Variants in PTPRN2 observed in about 807,000 individuals in gnomAD.
The protein encoded by PTPRN2 is receptor-type tyrosine-protein phosphatase N2.
Under a neutral mutation model 118.8 loss-of-function variants are expected in PTPRN2, and 74 were observed. The ratio of observed to expected loss-of-function variants is 0.62; its 90% CI spans 0.52 to 0.76. The LOEUF (loss-of-function observed/expected upper bound fraction) is 0.76, where lower values mean the gene tolerates loss of function less well. Ranked by LOEUF, PTPRN2 falls within the 30% of genes least tolerant of loss-of-function variation. PTPRN2 has a pLI of 0.00. For missense variants in PTPRN2, 1,481 were observed against 1,394.4 expected (o/e 1.06, Z -0.99); for synonymous variants, 641 against 608.0 (o/e 1.05, Z -0.80).
intron 1 of PTPRN2, among the ~76,000 whole-genome samples, chr7:158,511,220 C>T (rs558012564): frequency 2.0e-5 from 3 of 152,206 alleles, no homozygotes; most frequent in South Asian, 2.1e-4. Flanking sequence ...CTCAAAATGT[C>T]GAGAGGCAGC....
At chr7:158,102,067 T>C (rs1380942073) in intron 10 of PTPRN2, among the ~76,000 whole-genome samples, 3 of 152,104 alleles carry the variant, frequency 2.0e-5, no homozygotes, top group Non-Finnish European at 4.4e-5. Context: ...AAGCCCCAGA[T>C]CGCAAACTGG....
At chr7:157,714,221 TG>T (rs1221737419) in intron 12 of PTPRN2, among the ~76,000 whole-genome samples, 2 of 152,256 alleles carry the variant, frequency 1.3e-5, no homozygotes, top group Non-Finnish European at 2.9e-5. Flanking sequence ...TAAACCTGTG[TG>T]CATCACTGAG....
intron 1 of PTPRN2, among the ~76,000 whole-genome samples, chr7:158,505,486 G>C (rs28483884): frequency 6.6e-5 from 10 of 152,240 alleles, no homozygotes; most frequent in Admixed American, 2.0e-4. Context: ...CAAGTCCCCC[G>C]TTCACTACCA....
chr7:158,362,695 T>A (rs1586462671), intron 2 of PTPRN2, among the ~76,000 whole-genome samples: 2 of 20,974 alleles, frequency 9.5e-5, no homozygotes, highest in African/African-American at 2.8e-4. Flanking sequence ...GTCAGGTTTG[T>A]CCATCACAAC....
At chr7:158,265,973 C>A (rs1797843443) in intron 3 of PTPRN2, among the ~76,000 whole-genome samples, 2 of 152,050 alleles carry the variant, frequency 1.3e-5, no homozygotes, top group Non-Finnish European at 2.9e-5. Flanking sequence ...GGCTCCTTCG[C>A]CTCCCCAGGG....
intron 11 of PTPRN2, among the ~76,000 whole-genome samples, chr7:157,951,934 C>T (rs1800838903): frequency 6.6e-6 from 1 of 152,302 alleles, no homozygotes; most frequent in Middle Eastern, 3.4e-3. Flanking sequence ...CTCACTCCTG[C>T]TGCACCTGCC....
At position 158,509,218 on chromosome 7, in the gene PTPRN2, C is replaced by A. The variant is rs941973142; in HGVS notation, c.113-19433G>T. Among the ~76,000 whole-genome samples, 8 of 152,168 alleles carry A rather than the reference C, an allele frequency of 5.3e-5. No individual in the cohort carries two copies. The highest frequency in any genetic ancestry group is 2.9e-5 in the Non-Finnish European group (2 of 68,036). ...GGACCAGTGGACAGGCTGCAGCTCACAGGGTCCTTGCTCAAAGGCGGCAGC... is the reference window on the plus strand; with the variant it reads ...GGACCAGTGGACAGGCTGCAGCTCAAAGGGTCCTTGCTCAAAGGCGGCAGC... On this transcript the variant is annotated intron_variant, in intron 1 of 22. Coordinates refer to ENST00000389418, the MANE Select transcript of PTPRN2 (RefSeq NM_002847.5). This position sits in a 1 kb window ranked among gnomAD's most constrained non-coding sequence, Gnocchi z 4.4.
intron 2 of PTPRN2, among the ~76,000 whole-genome samples, chr7:158,394,593 G>A (rs1812187896): frequency 6.6e-6 from 1 of 152,198 alleles, no homozygotes; most frequent in Non-Finnish European, 1.5e-5. Flanking sequence ...AGTACTGGCT[G>A]CTCGTCCATC....
chr7:157,998,660 T>C (rs1466060336), intron 11 of PTPRN2, among the ~76,000 whole-genome samples: 3 of 151,960 alleles, frequency 2.0e-5, no homozygotes, highest in Admixed American at 6.6e-5. Context: ...CCATCTCTAC[T>C]AAAAATACAA....
chr7:158,492,602 G>T (rs1231888965), intron 1 of PTPRN2, among the ~76,000 whole-genome samples: 1 of 152,246 alleles, frequency 6.6e-6, no homozygotes, highest in African/African-American at 2.4e-5. Context: ...TCCTTGGTGA[G>T]AGGCAAACAC....
At chr7:157,911,307 G>A (rs757496126) in intron 11 of PTPRN2, among the ~76,000 whole-genome samples, 1 of 152,156 alleles carries the variant, frequency 6.6e-6, no homozygotes, top group Non-Finnish European at 1.5e-5. Context: ...GATTTACCAC[G>A]ATGCAAAGAC....
rs899052639 is a variant in PTPRN2 at position 157,591,045 on chromosome 7, G to C, written c.2496+4193C>G. The stretch of plus-strand genomic sequence containing the variant: ...TCTTTGCATATGTGGTCAAGTTAAG[G>C]TGAGGTCACACAGGCTAGGATGAGC... On this transcript the variant is annotated intron_variant, in intron 17 of 22. Coordinates refer to ENST00000389418, the MANE Select transcript of PTPRN2 (RefSeq NM_002847.5). The surrounding 1 kb of genome is among the most constrained non-coding windows in gnomAD (Gnocchi z 4.4). 6.6e-6 allele frequency among the ~76,000 whole-genome samples: 1 copy of C among 152,158 alleles called. No homozygotes were observed. The highest frequency in any genetic ancestry group is 1.5e-5 in the Non-Finnish European group (1 of 68,034).
chr7:158,346,891 TTA>T (rs1807552356), intron 2 of PTPRN2, among the ~76,000 whole-genome samples: 1 of 152,236 alleles, frequency 6.6e-6, no homozygotes, highest in Non-Finnish European at 1.5e-5. Flanking sequence ...TTGGCCATTT[TTA>T]TGTCTTCTTT....
At chr7:158,582,115 T>G (rs958563313) in intron 1 of PTPRN2, among the ~76,000 whole-genome samples, 4 of 152,210 alleles carry the variant, frequency 2.6e-5, no homozygotes, top group African/African-American at 9.6e-5. Context: ...GTGGATTAAC[T>G]GTTTTCTGCT....
chr7:157,839,867 C>A (rs1808247059), intron 12 of PTPRN2, among the ~76,000 whole-genome samples: 2 of 142,452 alleles, frequency 1.4e-5, no homozygotes, highest in Admixed American at 7.0e-5. Flanking sequence ...GACTGTGTGA[C>A]CGTGTGGAGT....
At chr7:158,263,157 GTC>G (rs1303114022) in intron 3 of PTPRN2, among the ~76,000 whole-genome samples, 2 of 126,890 alleles carry the variant, frequency 1.6e-5, no homozygotes, top group African/African-American at 2.9e-5. Flanking sequence ...ACTGCACACA[GTC>G]ACACATTCAC....
At chr7:158,149,461 T>C (rs1038083113) in intron 6 of PTPRN2, among the ~76,000 whole-genome samples, 1 of 151,708 alleles carries the variant, frequency 6.6e-6, no homozygotes, top group Non-Finnish European at 1.5e-5. Context: ...AAAAAATCCT[T>C]ATTTTTAATC....
intron 2 of PTPRN2, among the ~76,000 whole-genome samples, chr7:158,327,641 C>T (rs1255695635): frequency 1.3e-5 from 2 of 152,346 alleles, no homozygotes; most frequent in South Asian, 2.1e-4. Flanking sequence ...AGCCTGGGAC[C>T]GCCATGCTCC....
At chr7:158,337,597 ACCCACAC>A (rs1805917509) in intron 2 of PTPRN2, among the ~76,000 whole-genome samples, 1 of 99,764 alleles carries the variant, frequency 1.0e-5, no homozygotes, top group Non-Finnish European at 2.2e-5. Context: ...CGTCACTCAC[ACCCACAC>A]TCTCACCATA....
Sources: gnomAD v4.1 joint callset for allele counts (sites outside exome capture counted in the v4.1 genomes callset) on GRCh38, gnomAD v4.1.1 for gene constraint, Gnocchi (gnomAD v3.1) non-coding constraint, MANE v1.5 for transcripts, NCBI Gene and HGNC (gene_info 2026-07-23, HGNC 2026-07-21) for gene names.